Variants in PDCD5 observed in about 807,000 individuals in gnomAD.
PDCD5 encodes the protein programmed cell death protein 5.
In PDCD5, 23 loss-of-function variants were observed where a neutral mutation model predicts 21.9. The ratio of observed to expected loss-of-function variants is 1.05; its 90% confidence interval spans 0.76 to 1.49. The LOEUF (loss-of-function observed/expected upper bound fraction) is 1.49, where lower values mean the gene tolerates loss of function less well. Among genes scored for constraint, PDCD5 ranks in the 40% most tolerant of loss-of-function variants. The pLI is 0.00. For missense variants in PDCD5, 152 were observed against 147.7 expected, an observed-to-expected ratio of 1.03 and a Z score of -0.15; for synonymous variants, 45 against 49.4, an observed-to-expected ratio of 0.91 and a Z score of 0.37.
chr19:32,586,803 G>C (rs377167164), intron 4 of PDCD5, 55 bp from the exon 5 acceptor site: 12 of 1,579,130 alleles, frequency 7.6e-6, no homozygotes, highest in Non-Finnish European at 3.4e-6. Context: ...ATCTGCAGAG[G>C]TAAATTCTTT....
rs562473531 is a variant in PDCD5, at chr19:32,586,668, A to T, written c.259-190A>T. 5 of 1,312,662 alleles carry T rather than the reference A, an allele frequency of 3.8e-6. 1 individual carries two copies. The African/African-American group carries it at 6.1e-5, about 16-fold the overall frequency. 81.3% of individuals were successfully genotyped at this position (1,312,662 alleles called of 1,614,324 possible). A position where few individuals can be genotyped will look rare whatever the true frequency, so the allele number is the denominator to read the frequency against. ...TCCCCCTCCTTCTCAAGTGAGGAAT[A>T]GCAGAGCAAATTTTATTTGGAACTT... On this transcript the variant is annotated intron_variant, in intron 4 of 5. Coordinates refer to ENST00000590247, the MANE Select transcript of PDCD5 (RefSeq NM_004708.4).
intron 2 of PDCD5, among the ~76,000 whole-genome samples, chr19:32,584,237 C>T (rs1971455839): frequency 1.3e-5 from 2 of 152,214 alleles, no homozygotes; most frequent in African/African-American, 4.8e-5. Flanking sequence ...CGAAGGGCCT[C>T]TGAGCTGGGA....
intron 2 of PDCD5, 109 bp from the exon 3 acceptor site, chr19:32,584,841 A>G: frequency 1.2e-6 from 1 of 819,288 alleles, no homozygotes; most frequent in Non-Finnish European, 2.2e-6. Flanking sequence ...CAGTTTGTAT[A>G]CCGCAGGCCC....
chr19:32,585,959 A>G (rs1480851781), intron 4 of PDCD5, 52 bp downstream of exon 4: 35 of 1,614,006 alleles, frequency 2.2e-5, no homozygotes, highest in Non-Finnish European at 3.0e-5. Flanking sequence ...TTATCAAAAC[A>G]TGGCTTCAAA....
In PDCD5 at chr19:32,581,305, C is replaced by A. The variant is rs756164730; in HGVS notation, c.44C>A (p.Ala15Asp). Residue 15 changes from alanine (A) to aspartate (D), a missense_variant, in exon 1 of 6, where the codon GCC becomes GAC. By Grantham distance (126) the Ala-to-Asp change is moderately radical (BLOSUM62 -2). Coordinates refer to ENST00000590247, the MANE Select transcript of PDCD5 (RefSeq NM_004708.4). ...ELEALRRQRLAELQAKHGDPG... is the reference protein window; with the variant it reads ...ELEALRRQRLDELQAKHGDPG... ...GAGGCGCTGAGGAGACAGAGGCTGGCCGAGCTGCAGGCCAAACACGGGGTG... is the reference window on the plus strand; with the variant it reads ...GAGGCGCTGAGGAGACAGAGGCTGGACGAGCTGCAGGCCAAACACGGGGTG... 6.6e-7 allele frequency: 1 copy of A among 1,525,654 alleles called. No homozygotes were observed. The highest frequency in any genetic ancestry group is 1.4e-5 in the African/African-American group (1 of 70,134). The allele number at this position is 1,525,654 out of a possible 1,614,324, so 94.5% of individuals were successfully genotyped here.
chr19:32,585,132 G>A, intron 3 of PDCD5, 121 bp downstream of exon 3: 1 of 766,226 alleles, frequency 1.3e-6, no homozygotes, highest in South Asian at 1.5e-5. Flanking sequence ...CTTGAGATGT[G>A]TAAGAAGTGT....
At chr19:32,586,326 C>T in intron 4 of PDCD5, 2 of 1,309,486 alleles carry the variant, frequency 1.5e-6, no homozygotes, top group Non-Finnish European at 1.9e-6. Context: ...GCAAACCTGG[C>T]CTTTGAGATC....
At chr19:32,585,153 AAC>A in intron 3 of PDCD5, 142 bp downstream of exon 3, 1 of 682,810 alleles carries the variant, frequency 1.5e-6, no homozygotes, top group Non-Finnish European at 2.6e-6. Context: ...GAAGTTTATA[AAC>A]CTAGAGAACT....
chr19:32,581,317 C>A lies in PDCD5; in HGVS notation c.56C>A (p.Ala19Asp). The change falls in exon 1 of 6, where the codon GCC (alanine) becomes GAC (aspartate). Residue 19 changes from alanine to aspartate, a missense_variant. Ala to Asp is a moderately radical substitution (Grantham distance 126). Coordinates refer to ENST00000590247, the MANE Select transcript of PDCD5 (RefSeq NM_004708.4). ...AGACAGAGGCTGGCCGAGCTGCAGG[C>A]CAAACACGGGGTGAGCGCATCAGCC... Reference protein sequence around the residue: ...LRRQRLAELQAKHGDPGDAAQ... With the variant: ...LRRQRLAELQDKHGDPGDAAQ... The A allele has an allele frequency of 1.3e-6, 2 of 1,520,466 alleles. No individual in the cohort carries two copies. The highest frequency in any genetic ancestry group is 1.2e-5 in the South Asian group (1 of 81,138). 94.2% of individuals were successfully genotyped at this position (1,520,466 alleles called of 1,614,324 possible). A position where few individuals can be genotyped will look rare whatever the true frequency, so the allele number is the denominator to read the frequency against.
intron 4 of PDCD5, chr19:32,586,265 G>A: frequency 7.0e-7 from 1 of 1,421,460 alleles, no homozygotes; most frequent in Non-Finnish European, 9.1e-7. Flanking sequence ...GTGCTAAGAT[G>A]CCTTGCTTAT....
At chr19:32,582,539 T>C (rs189595974) in intron 2 of PDCD5, among the ~76,000 whole-genome samples, 2 of 152,242 alleles carry the variant, frequency 1.3e-5, no homozygotes, top group East Asian at 3.9e-4. Context: ...GTCCGGTGCC[T>C]CACTTAGTAA....
At chr19:32,585,548 A>G (rs1351378000) in intron 3 of PDCD5, among the ~76,000 whole-genome samples, 6 of 152,218 alleles carry the variant, frequency 3.9e-5, no homozygotes, top group Non-Finnish European at 5.9e-5. Flanking sequence ...GGGCAGTCAT[A>G]TATTTTAAGA....
chr19:32,581,371 C>T (rs762532084), intron 1 of PDCD5, 44 bp downstream of exon 1: 4 of 1,375,312 alleles, frequency 2.9e-6, no homozygotes, highest in East Asian at 3.1e-5. Flanking sequence ...CGCGGGGCGC[C>T]GCCCTCGCCC....
chr19:32,582,262 G>C (rs755491953), intron 2 of PDCD5, 30 bp downstream of exon 2: 24 of 1,589,178 alleles, frequency 1.5e-5, no homozygotes, highest in Non-Finnish European at 2.0e-5. Context: ...ACTTTTTGAA[G>C]GGTGGTTTCA....
At chr19:32,586,169 G>A in intron 4 of PDCD5, 1 of 1,455,008 alleles carries the variant, frequency 6.9e-7, no homozygotes, top group Admixed American at 2.6e-5. Flanking sequence ...AGCTTCAATT[G>A]CCCCTGCACT....
rs761446433 is a variant in PDCD5 at position 32,586,792 on chromosome 19, C to T, written c.259-66C>T. ...CCTCAAAAAGAGTACAAAGTGATTC[C>T]ATCTGCAGAGGTAAATTCTTTGTTT... On this transcript the variant is annotated intron_variant, in intron 4 of 5. Transcript: ENST00000590247. The T allele has an allele frequency of 3.2e-4, 493 of 1,562,664 alleles. 1 individual carries two copies. Among genetic ancestry groups the T allele is most frequent in the South Asian group, 5.4e-4 (44 of 81,098 alleles).
chr19:32,582,672 C>T (rs1344845674), intron 2 of PDCD5, among the ~76,000 whole-genome samples: 1 of 150,812 alleles, frequency 6.6e-6, no homozygotes, highest in Non-Finnish European at 1.5e-5. Context: ...TATGTGATTA[C>T]CCTATCATGC....
In PDCD5 at chr19:32,586,878, A is replaced by G; in HGVS notation, c.279A>G (p.Ile93Met). The change falls in exon 5 of 6, where the codon ATA becomes ATG. Residue 93 changes from isoleucine (I) to methionine (M), a missense_variant. Coordinates refer to ENST00000590247, the MANE Select transcript of PDCD5 (RefSeq NM_004708.4). ...LSEKVSEQGL[I>M]EILKKVSQQT... ...CCTAGGTATCAGAACAAGGTTTAAT[A>G]GAAATCCTTAAAAAAGTAAGCCAAC... 1.9e-6 allele frequency: 3 copies of G among 1,612,712 alleles called. No homozygotes were observed. Among genetic ancestry groups the G allele is most frequent in the Non-Finnish European group, 2.5e-6 (3 of 1,179,560 alleles).
rs1330497167 is a variant in PDCD5, at chr19:32,581,341, C to T, written c.66+14C>T. On this transcript the variant is annotated intron_variant, in intron 1 of 5. Coordinates refer to ENST00000590247, the MANE Select transcript of PDCD5 (RefSeq NM_004708.4). ...GCCAAACACGGGGTGAGCGCATCAG[C>T]CCCCGCCAGGCTTGGCCCTCGCGGG... 7.4e-6 allele frequency: 11 copies of T among 1,480,020 alleles called. No homozygotes were observed. Among genetic ancestry groups the T allele is most frequent in the Non-Finnish European group, 9.0e-6 (10 of 1,114,368 alleles). The allele number at this position is 1,480,020 out of a possible 1,614,324, so 91.7% of individuals were successfully genotyped here.
Sources: allele counts gnomAD v4.1 joint callset (sites outside exome capture counted in the v4.1 genomes callset), GRCh38; gene constraint gnomAD v4.1.1; transcripts MANE v1.5; gene names NCBI Gene and HGNC (gene_info 2026-07-23, HGNC 2026-07-21).